Variants in NR2C2 observed in about 807,000 individuals in gnomAD.
NR2C2 encodes nuclear receptor subfamily 2 group C member 2, also known as Nuclear hormone receptor TR4.
A neutral mutation model predicts 62.9 loss-of-function variants in NR2C2; 6 were observed. The ratio of observed to expected loss-of-function variants is 0.10; its 90% CI spans 0.05 to 0.19. The LOEUF is 0.19. NR2C2 is among the 10% of genes least tolerant of loss of function. The pLI, the probability that NR2C2 is intolerant of heterozygous loss-of-function variation, is 1.00. For missense variants in NR2C2, 479 were observed against 762.7 expected (o/e 0.63, Z 4.38); for synonymous variants, 272 against 273.8 (o/e 0.99, Z 0.07).
At chr3:14,986,865 A>T (rs542857215) in intron 1 of NR2C2, among the ~76,000 whole-genome samples, 1 of 152,222 alleles carries the variant, frequency 6.6e-6, no homozygotes, top group African/African-American at 2.4e-5. Flanking sequence ...ACGTGAACGT[A>T]ATTCTAAGTG....
At chr3:14,981,143 A>C (rs780182163) in intron 1 of NR2C2, among the ~76,000 whole-genome samples, 4 of 152,176 alleles carry the variant, frequency 2.6e-5, no homozygotes, top group Non-Finnish European at 5.9e-5. Context: ...GGCACTGCTA[A>C]ACACTGTACA....
chr3:15,024,930 C>T (rs189855212), intron 7 of NR2C2, among the ~76,000 whole-genome samples: 16 of 152,338 alleles, frequency 1.1e-4, no homozygotes, highest in Admixed American at 5.9e-4. Flanking sequence ...CAGTCTCATT[C>T]ATGGGTGTAC....
At chr3:14,963,657 A>T (rs2125255840) in intron 1 of NR2C2, among the ~76,000 whole-genome samples, 1 of 152,170 alleles carries the variant, frequency 6.6e-6, no homozygotes, top group East Asian at 1.9e-4. Context: ...TTTTTAGTAG[A>T]GATGGGGTTT....
intron 1 of NR2C2, among the ~76,000 whole-genome samples, chr3:14,991,525 A>G (rs756312352): frequency 7.2e-5 from 11 of 152,276 alleles, no homozygotes; most frequent in Non-Finnish European, 1.6e-4. Context: ...TACATTGTTC[A>G]TGATTTCACT....
intron 1 of NR2C2, among the ~76,000 whole-genome samples, chr3:14,977,503 CTTG>C (rs1242515895): frequency 6.6e-6 from 1 of 152,070 alleles, no homozygotes; most frequent in Non-Finnish European, 1.5e-5. Context: ...GGTACAGTAG[CTTG>C]TTGTAATTCT....
chr3:15,003,812 C>G (rs1406851122), intron 1 of NR2C2, 64 bp from the exon 2 acceptor site: 5 of 1,093,148 alleles, frequency 4.6e-6, no homozygotes, highest in East Asian at 2.5e-5. Context: ...GAGGCGTGGT[C>G]TTCAGGCCAC....
chr3:14,982,998 A>G (rs368540098), intron 1 of NR2C2, among the ~76,000 whole-genome samples: 37 of 152,328 alleles, frequency 2.4e-4, no homozygotes, highest in African/African-American at 8.2e-4. Context: ...TAGTAGGTGT[A>G]TATATTTGTA....
At chr3:15,034,400 A>G (rs1257098412) in intron 10 of NR2C2, 6 of 340,028 alleles carry the variant, frequency 1.8e-5, no homozygotes, top group Non-Finnish European at 3.2e-5. Flanking sequence ...GTAGGTAATG[A>G]TGGTTTGGCC....
intron 2 of NR2C2, among the ~76,000 whole-genome samples, chr3:15,010,103 C>A (rs551487555): frequency 6.6e-6 from 1 of 152,148 alleles, no homozygotes; most frequent in African/African-American, 2.4e-5. Flanking sequence ...GGGTACAGTT[C>A]TATGCACAAT....
At chr3:14,987,618 G>T (rs968879523) in intron 1 of NR2C2, among the ~76,000 whole-genome samples, 1 of 151,778 alleles carries the variant, frequency 6.6e-6, no homozygotes, top group Non-Finnish European at 1.5e-5. Context: ...CTCCTTACTC[G>T]TACTTGTCTT....
intron 8 of NR2C2, among the ~76,000 whole-genome samples, 179 bp from the exon 9 acceptor site, chr3:15,030,096 A>T (rs1460986255): frequency 6.6e-6 from 1 of 152,196 alleles, no homozygotes; most frequent in East Asian, 1.9e-4. Context: ...AGGCCAAGGC[A>T]GGTAGATCAC....
At chr3:15,022,480 C>T (rs1484788861) in intron 5 of NR2C2, among the ~76,000 whole-genome samples, 1 of 141,652 alleles carries the variant, frequency 7.1e-6, no homozygotes, top group Non-Finnish European at 1.5e-5. Context: ...TCTTGGCTCA[C>T]TGCAGCCTCC....
chr3:15,029,109 CTTTTTTTTT>C (rs200667224), intron 8 of NR2C2, among the ~76,000 whole-genome samples: 1 of 123,892 alleles, frequency 8.1e-6, no homozygotes, highest in Admixed American at 7.7e-5. Flanking sequence ...TTTCTTTTTT[CTTTTTTTTT>C]TTTTTTAATA....
At chr3:15,030,538 A>C (rs1372622876) in intron 9 of NR2C2, 86 bp downstream of exon 9, 1 of 1,377,286 alleles carries the variant, frequency 7.3e-7, no homozygotes, top group East Asian at 2.6e-5. Context: ...TTAAAAATCA[A>C]ACCTTGGGGC....
intron 4 of NR2C2, among the ~76,000 whole-genome samples, chr3:15,020,191 G>A (rs1575014982): frequency 2.0e-5 from 3 of 152,164 alleles, no homozygotes; most frequent in South Asian, 4.1e-4. Context: ...TGTGGGCTTC[G>A]GCAGTGACAG....
At chr3:14,960,757 A>G (rs2039667314) in intron 1 of NR2C2, among the ~76,000 whole-genome samples, 1 of 152,206 alleles carries the variant, frequency 6.6e-6, no homozygotes, top group African/African-American at 2.4e-5. Flanking sequence ...AATGTACAGT[A>G]CCTATTGGCT....
intron 1 of NR2C2, among the ~76,000 whole-genome samples, chr3:14,969,147 T>TA (rs902448481): frequency 6.8e-6 from 1 of 146,864 alleles, no homozygotes. Flanking sequence ...AATAATAAAT[T>TA]AAAAAAAGAA....
At chr3:14,962,363 C>G (rs1040964856) in intron 1 of NR2C2, 1 of 152,634 alleles carries the variant, frequency 6.6e-6, no homozygotes, top group Non-Finnish European at 1.5e-5. Flanking sequence ...TTCAAGTAGT[C>G]TGGTTTCTCC....
chr3:14,972,968 A>C (rs555126813), intron 1 of NR2C2, among the ~76,000 whole-genome samples: 1 of 152,284 alleles, frequency 6.6e-6, no homozygotes, highest in African/African-American at 2.4e-5. Context: ...ACCTCCCATC[A>C]GGCCGCACCT....
Sources: allele counts gnomAD v4.1 joint callset (sites outside exome capture counted in the v4.1 genomes callset), GRCh38; gene constraint gnomAD v4.1.1; transcripts MANE v1.5; gene names NCBI Gene and HGNC (gene_info 2026-07-23, HGNC 2026-07-21).